Variants in CAMTA2 observed in about 807,000 individuals in gnomAD.
The protein encoded by CAMTA2 is calmodulin-binding transcription activator 2.
A neutral mutation model predicts 135.7 loss-of-function variants in CAMTA2; 56 were observed. The observed-to-expected ratio is 0.41, with a 90% CI of 0.33 to 0.52. CAMTA2 has a LOEUF of 0.52. Among genes scored for constraint, CAMTA2 ranks in the 20% least tolerant of loss-of-function variants. CAMTA2 has a pLI of 0.16. For synonymous variants in CAMTA2, 591 were observed against 604.6 expected (o/e 0.98, Z 0.33); for missense variants, 1,358 against 1,553.4 (o/e 0.87, Z 2.11).
In CAMTA2 at chr17:4,974,054, C is replaced by T. The variant is rs531997863; in HGVS notation, c.2017-285G>A. 7.5e-5 allele frequency: 40 copies of T among 535,740 alleles called. No individual in the cohort carries two copies. In the East Asian group the frequency reaches 9.1e-4, roughly 12 times the overall value. 33.2% of individuals were successfully genotyped at this position (535,740 alleles called of 1,614,324 possible). ...GCTTCTCCCCCTCAGAAGCCAGAGC[C>T]TTCTCTGAGCCTTAGCCCTCTTCTT... is the stretch of plus-strand genomic sequence containing the variant. On this transcript the variant is annotated intron_variant, in intron 12 of 22. Transcript: ENST00000348066.
rs753507550 is a variant in CAMTA2 at position 4,980,019 on chromosome 17, C to A, written c.1303G>T (p.Gly435Cys). ...AAGAAGCAGTTTCCTCTTCTCCCAC[C>A]TGCTACTGACTGTGGTGGGGGACCC... ...ARGPPPQSVA[G>C]GRRGNCFFIQ... The change falls in exon 9 of 23, where the codon GGT (glycine) becomes TGT (cysteine). Residue 435 changes from glycine to cysteine, a missense_variant. Physicochemically the swap from Gly to Cys is radical, Grantham distance 159 (BLOSUM62 -3). Around this residue, in one of 4 missense-constraint regions of CAMTA2, gnomAD observed 1,077 missense variants for 1,127.5 expected, o/e 0.96. Transcript: ENST00000348066. The surrounding 1 kb of genome is among the most constrained non-coding windows in gnomAD (Gnocchi z 5.3). 5 of 1,613,750 alleles carry A rather than the reference C, an allele frequency of 3.1e-6. No homozygotes were observed. Among genetic ancestry groups the A allele is most frequent in the Non-Finnish European group, 2.5e-6 (3 of 1,179,974 alleles).
chr17:4,978,507 G>A lies in CAMTA2; in HGVS notation c.1762C>T (p.Pro588Ser). 1 of 1,613,940 alleles carries A rather than the reference G, an allele frequency of 6.2e-7. No individual in the cohort carries two copies. Among genetic ancestry groups the A allele is most frequent in the East Asian group, 2.2e-5 (1 of 44,884 alleles). The change falls in exon 10 of 23, where the codon CCC becomes TCC. Residue 588 changes from proline to serine, a missense_variant. This residue lies in a region of CAMTA2 where 1,077 missense variants were observed against 1,127.5 expected (regional missense o/e 0.96). Coordinates refer to ENST00000348066, the MANE Select transcript of CAMTA2 (RefSeq NM_015099.4). ...VQPGVLRCYC[P>S]AHEVGLVSLQ... Reference sequence around the variant, plus strand: ...CTACGGTTCCCAATCCTCATACCGGGACAGTAGCAGCGTAAGACACCAGGC... The same window carrying A: ...CTACGGTTCCCAATCCTCATACCGGAACAGTAGCAGCGTAAGACACCAGGC...
In CAMTA2 at chr17:4,968,985, G is replaced by T; in HGVS notation, c.3471-4C>A. 5.6e-6 allele frequency: 9 copies of T among 1,613,912 alleles called. No individual in the cohort carries two copies. Among genetic ancestry groups the T allele is most frequent in the Non-Finnish European group, 7.6e-6 (9 of 1,179,934 alleles). On this transcript the variant is annotated splice_polypyrimidine_tract_variant and splice_region_variant and intron_variant, in intron 21 of 22. Coordinates refer to ENST00000348066, the MANE Select transcript of CAMTA2 (RefSeq NM_015099.4). ...CTTCTTGGTGAGAAAGGAGCCTCTG[G>T]TGAAAGAAACAAAAGATGGACCTCA...
chr17:4,986,739 T>G, intron 1 of CAMTA2: 1 of 550,154 alleles, frequency 1.8e-6, no homozygotes. Context: ...ACGCCCTGAG[T>G]TCCTTCTCTG....
rs1322139690 is a variant in CAMTA2, at chr17:4,970,050, G to C, written c.3041C>G (p.Pro1014Arg). The change falls in exon 18 of 23, where the codon CCT becomes CGT. Residue 1014 changes from proline to arginine, a missense_variant. Physicochemically the swap from Pro to Arg is moderately radical, Grantham distance 103 (BLOSUM62 -2). This residue lies in a region of CAMTA2 where 1,077 missense variants were observed against 1,127.5 expected (regional missense o/e 0.96). Transcript: ENST00000348066. Reference protein sequence around the residue: ...LPFERGRLAVPSAPSWAEFLS... With the variant: ...LPFERGRLAVRSAPSWAEFLS... Reference sequence around the variant, plus strand: ...AAACTCTGCCCAGGAGGGTGCTGAAGGGACAGCCAGGCGACCTCGCTCAAA... The same window carrying C: ...AAACTCTGCCCAGGAGGGTGCTGAACGGACAGCCAGGCGACCTCGCTCAAA... 2 of 1,614,152 alleles carry C rather than the reference G, an allele frequency of 1.2e-6. No individual in the cohort carries two copies. Among genetic ancestry groups the C allele is most frequent in the South Asian group, 1.1e-5 (1 of 91,088 alleles).
chr17:4,980,479 T>C lies in CAMTA2; in HGVS notation c.843A>G (p.Pro281=). 1 of 1,216,590 alleles carries C rather than the reference T, an allele frequency of 8.2e-7. No individual in the cohort carries two copies. Among genetic ancestry groups the C allele is most frequent in the Non-Finnish European group, 1.1e-6 (1 of 952,300 alleles). The allele number at this position is 1,216,590 out of a possible 1,614,324, so 75.4% of individuals were successfully genotyped here. A position where few individuals can be genotyped will look rare whatever the true frequency, so the allele number is the denominator to read the frequency against. The change falls in exon 9 of 23, where the codon CCA becomes CCG. Residue 281 remains proline (P), a synonymous_variant. Transcript: ENST00000348066. The surrounding 1 kb of genome is among the most constrained non-coding windows in gnomAD (Gnocchi z 5.3). ...EPPPLIAPLP[P]ELPKAHTSPS... ...GGGAGGTGTGTGCCTTGGGGAGCTC[T>C]GGGGGAAGTGGGGCTATCAGTGGAG...
chr17:4,974,028 G>T, intron 12 of CAMTA2: 1 of 545,048 alleles, frequency 1.8e-6, no homozygotes, highest in Non-Finnish European at 3.3e-6. Flanking sequence ...GTTCACACAT[G>T]GCTTCTCCCC....
Position 4,969,618 on chromosome 17 carries a change from G to C in CAMTA2, c.3261+12C>G, listed in dbSNP as rs752819276. 1.9e-6 allele frequency: 3 copies of C among 1,613,986 alleles called. No individual in the cohort carries two copies. In the Admixed American group the frequency reaches 5.0e-5, roughly 27 times the overall value. On this transcript the variant is annotated intron_variant, in intron 19 of 22. Transcript: ENST00000348066. The surrounding 1 kb of genome is among the most constrained non-coding windows in gnomAD (Gnocchi z 5.6). ...GGTTGCTGGTTACACTTTTGAGGGA[G>C]AAGGGTCTCACCTGCTTGTACTTCC...
chr17:4,986,679 G>C (rs1740178247), intron 1 of CAMTA2: 2 of 540,998 alleles, frequency 3.7e-6, no homozygotes, highest in South Asian at 4.6e-5. Context: ...TGGATCCTGG[G>C]GGCAGGGCAG....
In CAMTA2 at chr17:4,969,573, G is replaced by A. The variant is rs1597723530; in HGVS notation, c.3262-53C>T. ...CTCTGGCAACATTCTGGAATGGTTA[G>A]GCGTGGGTGTGGGTTGGTGGGTTGC... On this transcript the variant is annotated intron_variant, in intron 19 of 22. Coordinates refer to ENST00000348066, the MANE Select transcript of CAMTA2 (RefSeq NM_015099.4). The surrounding 1 kb of genome is among the most constrained non-coding windows in gnomAD (Gnocchi z 5.6). The A allele has an allele frequency of 1.6e-5, 26 of 1,613,846 alleles. No homozygotes were observed. In the East Asian group the frequency reaches 5.8e-4, roughly 36 times the overall value.
chr17:4,970,686 GATGGGGCTCCCAC>G, intron 16 of CAMTA2, 150 bp from the exon 17 acceptor site: 1 of 651,104 alleles, frequency 1.5e-6, no homozygotes, highest in South Asian at 1.8e-5. Flanking sequence ...CATTTATACT[GATGGGGCTCCCAC>G]TTGGGGGTCC....
At chr17:4,978,863 C>G (rs1478038885) in intron 9 of CAMTA2, among the ~76,000 whole-genome samples, 1 of 152,184 alleles carries the variant, frequency 6.6e-6, no homozygotes, top group Non-Finnish European at 1.5e-5. Flanking sequence ...GCTGGGAATT[C>G]AGGGCCTCCC....
chr17:4,973,852 T>A (rs1972453936), intron 12 of CAMTA2, 83 bp from the exon 13 acceptor site: 4 of 1,285,144 alleles, frequency 3.1e-6, no homozygotes, highest in Non-Finnish European at 3.2e-6. Flanking sequence ...ACATCTGTCC[T>A]CCCAGCTTCT....
intron 11 of CAMTA2, 68 bp downstream of exon 11, chr17:4,976,990 G>A: frequency 1.3e-6 from 2 of 1,521,460 alleles, no homozygotes; most frequent in Non-Finnish European, 9.0e-7. Context: ...AACCCTGAGT[G>A]GTCTAGGAGC....
chr17:4,973,319 A>C (rs1433417210), intron 13 of CAMTA2, 66 bp from the exon 14 acceptor site: 5 of 1,337,672 alleles, frequency 3.7e-6, no homozygotes, highest in Non-Finnish European at 5.4e-6. Flanking sequence ...CAGGAACATC[A>C]GAAGTAAAGG....
intron 16 of CAMTA2, among the ~76,000 whole-genome samples, chr17:4,971,691 C>T (rs1482189423): frequency 4.6e-5 from 6 of 131,856 alleles, no homozygotes; most frequent in Admixed American, 1.6e-4. Flanking sequence ...ACTATTTTGT[C>T]TTTTTTTTTT....
rs979186021 is a variant in CAMTA2 at position 4,970,394 on chromosome 17, C to G, written c.2951G>C (p.Trp984Ser). 1.2e-6 allele frequency: 2 copies of G among 1,614,114 alleles called. No homozygotes were observed. Among genetic ancestry groups the G allele is most frequent in the Non-Finnish European group, 1.7e-6 (2 of 1,180,050 alleles). ...CACATTCTCCAGGTAGCTGGCCAGC[C>G]AGGACATGGTCTCACTGAGCCCCAC... ...GAVGLSETMS[W>S]LASYLENVDH... is the part of the protein sequence containing the mutation. The change falls in exon 17 of 23, where the codon TGG (tryptophan) becomes TCG (serine). Residue 984 changes from tryptophan (W) to serine (S), a missense_variant. Transcript: ENST00000348066.
In CAMTA2 at chr17:4,969,610, T is replaced by A. The variant is rs755202978; in HGVS notation, c.3261+20A>T. The A allele has an allele frequency of 1.2e-6, 2 of 1,614,080 alleles. No homozygotes were observed. The highest frequency in any genetic ancestry group is 2.2e-5 in the South Asian group (2 of 91,082). On this transcript the variant is annotated intron_variant, in intron 19 of 22. Transcript: ENST00000348066. This position sits in a 1 kb window ranked among gnomAD's most constrained non-coding sequence, Gnocchi z 5.6. The stretch of plus-strand genomic sequence containing the variant: ...GGTTGGTGGGTTGCTGGTTACACTT[T>A]TGAGGGAGAAGGGTCTCACCTGCTT...
At chr17:4,975,380 A>C (rs1006397823) in intron 11 of CAMTA2, among the ~76,000 whole-genome samples, 4 of 152,142 alleles carry the variant, frequency 2.6e-5, no homozygotes, top group African/African-American at 9.7e-5. Flanking sequence ...GGCTGGGGGA[A>C]AAGTGCCAAA....
Sources: allele counts gnomAD v4.1 joint callset (sites outside exome capture counted in the v4.1 genomes callset), GRCh38; gene constraint gnomAD v4.1.1; regional missense constraint gnomAD v4.1.1; non-coding constraint Gnocchi (gnomAD v3.1); transcripts MANE v1.5; gene names NCBI Gene and HGNC (gene_info 2026-07-23, HGNC 2026-07-21).